Variants in APOL5 observed in about 807,000 individuals in gnomAD.
The protein encoded by APOL5 is apolipoprotein L5.
Under a neutral mutation model 35.5 loss-of-function variants are expected in APOL5, and 29 were observed. That is an observed-to-expected ratio of 0.82 (90% CI 0.61 to 1.11). The LOEUF is 1.11. Among genes scored for constraint, APOL5 ranks in the 50% most tolerant of loss-of-function variants. APOL5 has a pLI of 0.00. For missense variants in APOL5, 514 were observed against 530.4 expected (o/e 0.97, Z 0.30); for synonymous variants, 188 against 200.2 (o/e 0.94, Z 0.51).
chr22:35,717,255 T>TATATATATATATATATATATATA (rs1167745529), upstream of APOL5, among the ~76,000 whole-genome samples: 4 of 123,158 alleles, frequency 3.2e-5, no homozygotes, highest in East Asian at 2.9e-4. Context: ...TATATATATA[T>TATATATATATATATATATATATA]TAGCTGGGTG....
At chr22:35,712,147 A>T in the APOL5 span, among the ~76,000 whole-genome samples, 2 of 151,978 alleles carry the variant, frequency 1.3e-5, no homozygotes, top group African/African-American at 4.8e-5. Flanking sequence ...GCTGGGACAC[A>T]GGCATGTGCA....
intron 2 of APOL5, among the ~76,000 whole-genome samples, chr22:35,723,187 G>T (rs1241031490): frequency 6.6e-6 from 1 of 152,138 alleles, no homozygotes; most frequent in Admixed American, 6.5e-5. Flanking sequence ...CTTGGTCCAA[G>T]TACAGTTTGC....
At chr22:35,723,392 T>C (rs1927040758) in intron 2 of APOL5, among the ~76,000 whole-genome samples, 1 of 152,102 alleles carries the variant, frequency 6.6e-6, no homozygotes, top group East Asian at 1.9e-4. Flanking sequence ...AACCCCAAAT[T>C]CCATAAGAAA....
At chr22:35,718,073 G>T in intron 1 of APOL5, 147 bp downstream of exon 1, 1 of 532,382 alleles carries the variant, frequency 1.9e-6, no homozygotes, top group Non-Finnish European at 3.0e-6. Context: ...TTTTAATGAG[G>T]GAGATATCAT....
At chr22:35,717,730 C>G, upstream of APOL5, 1 of 332,658 alleles carries the variant, frequency 3.0e-6, no homozygotes, top group Non-Finnish European at 4.8e-6. Flanking sequence ...CAGAGAGAAG[C>G]TCCATCGCAA....
chr22:35,718,643 G>C (rs1270931205), intron 1 of APOL5, among the ~76,000 whole-genome samples: 1 of 149,278 alleles, frequency 6.7e-6, no homozygotes, highest in African/African-American at 2.5e-5. Context: ...TGATAAGGGA[G>C]TGTTTCTATA....
chr22:35,710,498 T>C, the APOL5 span, among the ~76,000 whole-genome samples: 2 of 150,510 alleles, frequency 1.3e-5, no homozygotes, highest in Non-Finnish European at 2.9e-5. Context: ...CATATATATG[T>C]ACACACACAC....
At chr22:35,718,434 A>G (rs1926837758) in intron 1 of APOL5, among the ~76,000 whole-genome samples, 1 of 152,064 alleles carries the variant, frequency 6.6e-6, no homozygotes, top group Non-Finnish European at 1.5e-5. Context: ...CCTGGCCAAC[A>G]TGGTGAAACC....
chr22:35,727,934 T>C (rs1927226793), intron 3 of APOL5, among the ~76,000 whole-genome samples: 1 of 152,240 alleles, frequency 6.6e-6, no homozygotes, highest in Admixed American at 6.5e-5. Flanking sequence ...TCATCTTTAA[T>C]AGAATGACGC....
At chr22:35,713,225 G>C (rs999706897), upstream of APOL5, among the ~76,000 whole-genome samples, 1 of 152,136 alleles carries the variant, frequency 6.6e-6, no homozygotes, top group African/African-American at 2.4e-5. Flanking sequence ...GATGGTATTT[G>C]CTTCATTTTC....
the APOL5 span, among the ~76,000 whole-genome samples, chr22:35,709,329 CA>C: frequency 6.6e-6 from 1 of 151,574 alleles, no homozygotes; most frequent in African/African-American, 2.4e-5. Context: ...AATAGCATGC[CA>C]AAAAAATCAT....
chr22:35,726,059 C>G lies in APOL5; in HGVS notation c.143-152C>G, dbSNP rs1927141105. 3 of 766,682 alleles carry G rather than the reference C, an allele frequency of 3.9e-6. No homozygotes were observed. The South Asian group carries it at 6.0e-5, about 15-fold the overall frequency. The allele number at this position is 766,682 out of a possible 1,614,324, so 47.5% of individuals were successfully genotyped here. A position where few individuals can be genotyped will look rare whatever the true frequency, so the allele number is the denominator to read the frequency against. On this transcript the variant is annotated intron_variant, in intron 2 of 4. Coordinates refer to ENST00000249044, the MANE Select transcript of APOL5 (RefSeq NM_030642.1). The stretch of plus-strand genomic sequence containing the variant: ...ACGAGAACAGCTTGGAGGTTAGAAG[C>G]AAGATGAAGCCGGTTAGGTCAGACC...
upstream of APOL5, among the ~76,000 whole-genome samples, chr22:35,717,235 A>ATATATATATATATATATATAT (rs1555930035): frequency 1.7e-5 from 1 of 57,662 alleles, no homozygotes; most frequent in African/African-American, 8.0e-5. Flanking sequence ...AAAAAAAAAA[A>ATATATATATATATATATATAT]ATATATATAT....
At chr22:35,727,792 G>T (rs1033265969) in intron 3 of APOL5, among the ~76,000 whole-genome samples, 4 of 152,234 alleles carry the variant, frequency 2.6e-5, no homozygotes, top group Non-Finnish European at 4.4e-5. Flanking sequence ...CACTTCAAAT[G>T]AGTTGGGAAA....
the APOL5 span, among the ~76,000 whole-genome samples, chr22:35,712,339 A>G: frequency 6.6e-5 from 10 of 152,042 alleles, no homozygotes; most frequent in African/African-American, 1.2e-4. Context: ...AGTCGTCTGC[A>G]TAAGTGTGAA....
chr22:35,716,809 A>C (rs928352231), upstream of APOL5, among the ~76,000 whole-genome samples: 2 of 152,046 alleles, frequency 1.3e-5, no homozygotes, highest in Non-Finnish European at 2.9e-5. Flanking sequence ...CTTTTACTTA[A>C]TATATCCTGG....
the APOL5 span, among the ~76,000 whole-genome samples, chr22:35,712,150 C>T: frequency 1.3e-5 from 2 of 151,992 alleles, no homozygotes; most frequent in East Asian, 1.9e-4. Flanking sequence ...GGGACACAGG[C>T]ATGTGCATCA....
intron 2 of APOL5, among the ~76,000 whole-genome samples, chr22:35,725,677 T>C (rs947979607): frequency 1.3e-5 from 2 of 151,892 alleles, no homozygotes; most frequent in African/African-American, 4.8e-5. Flanking sequence ...GCTGAGCGGG[T>C]TCCTGGGTAG....
the APOL5 span, among the ~76,000 whole-genome samples, chr22:35,711,657 TC>T: frequency 1.7e-5 from 2 of 115,586 alleles, no homozygotes; most frequent in Non-Finnish European, 3.8e-5. Context: ...CCTCCCTCCC[TC>T]CCTCTCTTCC....
Sources: gnomAD v4.1 joint callset for allele counts (sites outside exome capture counted in the v4.1 genomes callset) on GRCh38, gnomAD v4.1.1 for gene constraint, MANE v1.5 for transcripts, NCBI Gene and HGNC (gene_info 2026-07-23, HGNC 2026-07-21) for gene names.